Variants in DGKB observed in about 807,000 individuals in gnomAD.
DGKB encodes the protein 90 kDa diacylglycerol kinase.
Under a neutral mutation model 114.3 loss-of-function variants are expected in DGKB, and 67 were observed. That is an observed-to-expected ratio of 0.59 (90% CI 0.48 to 0.72). The LOEUF (loss-of-function observed/expected upper bound fraction) is 0.72, where lower values mean the gene tolerates loss of function less well. DGKB is among the 30% of genes least tolerant of loss of function. The probability of loss-of-function intolerance (pLI) is 0.00; values close to 1 mark genes in which losing one functional copy is unlikely to be tolerated. For synonymous variants in DGKB, 398 were observed against 323.1 expected (o/e 1.23, Z -2.49); for missense variants, 907 against 975.2 (o/e 0.93, Z 0.93).
chr7:14,503,529 T>C (rs1319349240), intron 20 of DGKB, among the ~76,000 whole-genome samples: 1 of 152,200 alleles, frequency 6.6e-6, no homozygotes, highest in African/African-American at 2.4e-5. Context: ...GGGAGTACCC[T>C]TGAGGCAATA....
At chr7:14,155,919 G>A (rs757648497) in intron 25 of DGKB, among the ~76,000 whole-genome samples, 3 of 152,076 alleles carry the variant, frequency 2.0e-5, no homozygotes, top group Non-Finnish European at 4.4e-5. Flanking sequence ...AACAGGTCTT[G>A]AGATAGATTT....
At chr7:14,919,687 T>A (rs147984304) in intron 1 of DGKB, among the ~76,000 whole-genome samples, 30 of 152,296 alleles carry the variant, frequency 2.0e-4, no homozygotes, top group African/African-American at 7.2e-4. Flanking sequence ...GGAAATGAGC[T>A]ATTAAACGTG....
chr7:14,193,879 G>A (rs1020684410), intron 23 of DGKB, among the ~76,000 whole-genome samples: 1 of 151,958 alleles, frequency 6.6e-6, no homozygotes, highest in Non-Finnish European at 1.5e-5. Flanking sequence ...TTTTAAAAAT[G>A]GGCAAAAGAC....
intron 23 of DGKB, among the ~76,000 whole-genome samples, chr7:14,244,669 C>CA (rs34364672): frequency 0.031 from 1,413 of 45,110 alleles, 18 homozygotes; most frequent in Middle Eastern, 0.056. Flanking sequence ...GACTCTGTCT[C>CA]AAAAAAAAAA....
chr7:14,535,537 GAAAT>G (rs1223216282), intron 20 of DGKB, among the ~76,000 whole-genome samples: 1 of 152,008 alleles, frequency 6.6e-6, no homozygotes, highest in Non-Finnish European at 1.5e-5. Context: ...AGAAAAAAAT[GAAAT>G]AAAGAATAGA....
At chr7:14,794,031 T>C (rs1418422715) in intron 2 of DGKB, among the ~76,000 whole-genome samples, 1 of 152,148 alleles carries the variant, frequency 6.6e-6, no homozygotes, top group Non-Finnish European at 1.5e-5. Context: ...TTCTTAGACA[T>C]TCAGACTTGG....
intron 20 of DGKB, among the ~76,000 whole-genome samples, chr7:14,536,009 A>T (rs1374316825): frequency 6.6e-6 from 1 of 152,236 alleles, no homozygotes; most frequent in African/African-American, 2.4e-5. Flanking sequence ...TAAAAATAAC[A>T]AAAAGGACTG....
At chr7:14,407,144 T>C (rs895618263) in intron 21 of DGKB, among the ~76,000 whole-genome samples, 1 of 152,082 alleles carries the variant, frequency 6.6e-6, no homozygotes, top group Non-Finnish European at 1.5e-5. Flanking sequence ...AGTGCATGAA[T>C]GTGACAGGGA....
At chr7:14,737,283 ATTTTTTTTTTTTTTT>A (rs11348925) in intron 4 of DGKB, among the ~76,000 whole-genome samples, 2 of 82,504 alleles carry the variant, frequency 2.4e-5, no homozygotes, top group Non-Finnish European at 4.7e-5. Context: ...TTGAAGGCCA[ATTTTTTTTTTTTTTT>A]TTTTTTTTTT....
intron 2 of DGKB, among the ~76,000 whole-genome samples, chr7:14,777,166 C>A (rs1338331083): frequency 6.6e-6 from 1 of 151,968 alleles, no homozygotes; most frequent in Non-Finnish European, 1.5e-5. Context: ...AATGCCTGTA[C>A]CCCCGTTGTA....
At chr7:14,641,763 A>C (rs1811850120) in intron 13 of DGKB, among the ~76,000 whole-genome samples, 1 of 152,058 alleles carries the variant, frequency 6.6e-6, no homozygotes, top group Non-Finnish European at 1.5e-5. Context: ...AAATTTAACA[A>C]ACATATTTTT....
intron 8 of DGKB, among the ~76,000 whole-genome samples, chr7:14,697,870 TAGG>T (rs1224891552): frequency 3.3e-5 from 3 of 90,110 alleles, no homozygotes; most frequent in East Asian, 6.3e-4. Context: ...GGAAGGAAGG[TAGG>T]AGGGAGGGAG....
At chr7:14,913,163 C>A (rs1039282345) in intron 1 of DGKB, among the ~76,000 whole-genome samples, 10 of 151,972 alleles carry the variant, frequency 6.6e-5, no homozygotes, top group African/African-American at 2.4e-4. Flanking sequence ...CTCAAGATGT[C>A]TTCTCTGCCC....
chr7:14,376,720 A>G (rs1177916123), intron 21 of DGKB, among the ~76,000 whole-genome samples: 1 of 152,182 alleles, frequency 6.6e-6, no homozygotes, highest in Non-Finnish European at 1.5e-5. Flanking sequence ...TGCCTGTTTG[A>G]ATACTAAACG....
At chr7:14,821,564 C>T (rs1416745342) in intron 2 of DGKB, among the ~76,000 whole-genome samples, 2 of 152,052 alleles carry the variant, frequency 1.3e-5, no homozygotes, top group Non-Finnish European at 2.9e-5. Context: ...AAAAAGGGAG[C>T]AGAATACGAC....
At chr7:14,869,702 G>A (rs1478399145) in intron 1 of DGKB, among the ~76,000 whole-genome samples, 1 of 151,864 alleles carries the variant, frequency 6.6e-6, no homozygotes, top group Non-Finnish European at 1.5e-5. Context: ...CTATGCATGG[G>A]CACTTCTCTA....
At chr7:14,645,412 C>G (rs189630857) in intron 13 of DGKB, among the ~76,000 whole-genome samples, 3 of 151,986 alleles carry the variant, frequency 2.0e-5, no homozygotes, top group Non-Finnish European at 4.4e-5. Context: ...CTCTGCCGCT[C>G]GCCGAACAAC....
chr7:14,186,256 A>C (rs1214128792), intron 23 of DGKB, among the ~76,000 whole-genome samples: 4 of 152,162 alleles, frequency 2.6e-5, no homozygotes, highest in Non-Finnish European at 4.4e-5. Context: ...CAACAAACAT[A>C]TGAAAAATGC....
chr7:14,287,054 C>G (rs1389957372), intron 23 of DGKB, among the ~76,000 whole-genome samples: 1 of 152,010 alleles, frequency 6.6e-6, no homozygotes, highest in Non-Finnish European at 1.5e-5. Flanking sequence ...CCCATGTGAT[C>G]TCTACCATTT....
Sources: allele counts gnomAD v4.1 joint callset (sites outside exome capture counted in the v4.1 genomes callset), GRCh38; gene constraint gnomAD v4.1.1; transcripts MANE v1.5; gene names NCBI Gene and HGNC (gene_info 2026-07-23, HGNC 2026-07-21).